ATP6V0A4: variants seen among roughly 807,000 people sequenced by gnomAD.
ATP6V0A4 encodes ATPase H+ transporting V0 subunit a4, also known as V-type proton ATPase 116 kDa subunit a 4.
ATP6V0A4 carries 86 observed loss-of-function variants against 107.3 expected under a neutral mutation model. The ratio of observed to expected loss-of-function variants is 0.80; its 90% CI spans 0.67 to 0.96. The LOEUF is 0.96. ATP6V0A4 is among the 40% of genes least tolerant of loss of function. The pLI, the probability that ATP6V0A4 is intolerant of heterozygous loss-of-function variation, is 0.00. For missense variants in ATP6V0A4, 908 were observed against 1,045.6 expected (o/e 0.87, Z 1.81); for synonymous variants, 353 against 381.4 (o/e 0.93, Z 0.87).
In ATP6V0A4 at chr7:138,709,741, C is replaced by G. The variant is rs1803638558; in HGVS notation, c.2312G>C (p.Gly771Ala). ...MVMNSGLQTRGWGGIVGVFII... is the reference protein window; with the variant it reads ...MVMNSGLQTRAWGGIVGVFII... ...AAAAACCCCGACGATTCCTCCCCAG[C>G]CTCGCGTCTGAAGGCCGCTGTTCAT... Residue 771 changes from glycine to alanine, a missense_variant, in exon 21 of 22, where the codon GGC (glycine) becomes GCC (alanine). Coordinates refer to ENST00000310018, the MANE Select transcript of ATP6V0A4 (RefSeq NM_020632.3). 15 of 1,614,098 alleles carry G rather than the reference C, an allele frequency of 9.3e-6. No individual in the cohort carries two copies. The highest frequency in any genetic ancestry group is 1.3e-5 in the African/African-American group (1 of 75,032).
intron 18 of ATP6V0A4, among the ~76,000 whole-genome samples, chr7:138,725,054 T>C (rs940405347): frequency 6.6e-6 from 1 of 152,184 alleles, no homozygotes; most frequent in African/African-American, 2.4e-5. Flanking sequence ...GAGGATCACT[T>C]GATCTCAGGA....
At chr7:138,740,431 T>C (rs1294882910) in intron 14 of ATP6V0A4, among the ~76,000 whole-genome samples, 1 of 151,162 alleles carries the variant, frequency 6.6e-6, no homozygotes, top group Non-Finnish European at 1.5e-5. Flanking sequence ...TTTCTTTTTT[T>C]TTTTTTTTTT....
chr7:138,728,859 C>T lies in ATP6V0A4; in HGVS notation c.1912G>A (p.Glu638Lys). ...SNAPLYKHQQ[E>K]VQSFFVVMAL... is the part of the protein sequence containing the mutation. ...ATAACCACAAAGAAACTTTGGACTT[C>T]TTGCTGCAAGACCAAAATGGCGAGA... The change falls in exon 18 of 22, where the codon GAA becomes AAA. Residue 638 changes from glutamate to lysine, a missense_variant. By Grantham distance (56) the Glu-to-Lys change is moderately conservative. Transcript: ENST00000310018. 1 of 1,614,132 alleles carries T rather than the reference C, an allele frequency of 6.2e-7. No homozygotes were observed. The highest frequency in any genetic ancestry group is 8.5e-7 in the Non-Finnish European group (1 of 1,180,028).
intron 9 of ATP6V0A4, chr7:138,756,100 T>C (rs1444131773): frequency 9.6e-6 from 5 of 518,360 alleles, no homozygotes; most frequent in East Asian, 3.8e-5. Context: ...TAATATCCTC[T>C]GCACTGAGTC....
intron 2 of ATP6V0A4, among the ~76,000 whole-genome samples, chr7:138,777,633 TACACAC>T (rs1176566807): frequency 1.5e-4 from 16 of 106,374 alleles, no homozygotes; most frequent in African/African-American, 4.5e-4. Flanking sequence ...AAAAAAAAAA[TACACAC>T]ACACACACAC....
At chr7:138,740,424 CTTT>C (rs1288644564) in intron 14 of ATP6V0A4, among the ~76,000 whole-genome samples, 5 of 128,962 alleles carry the variant, frequency 3.9e-5, no homozygotes, top group Non-Finnish European at 1.7e-5. Context: ...GAAGAAATTT[CTTT>C]TTTTTTTTTT....
chr7:138,706,661 G>A lies in ATP6V0A4; in HGVS notation c.2486C>T (p.Ser829Phe). The change falls in exon 22 of 22, where the codon TCC (serine) becomes TTC (phenylalanine). Residue 829 changes from serine to phenylalanine, a missense_variant. By Grantham distance (155) the Ser-to-Phe change is radical. Transcript: ENST00000310018. ...VGDGYKFSPFSFKHILDGTAE... is the reference protein window; with the variant it reads ...VGDGYKFSPFFFKHILDGTAE... Reference sequence around the variant, plus strand: ...TGTGCCATCCAGGATGTGTTTAAAGGAGAATGGAGAAAACTTGTAACCATC... The same window carrying A: ...TGTGCCATCCAGGATGTGTTTAAAGAAGAATGGAGAAAACTTGTAACCATC... 6.2e-7 allele frequency: 1 copy of A among 1,613,952 alleles called. No homozygotes were observed. The highest frequency in any genetic ancestry group is 8.5e-7 in the Non-Finnish European group (1 of 1,179,974).
In ATP6V0A4 at chr7:138,765,611, C is replaced by A. The variant is rs1212507389; in HGVS notation, c.292-2586G>T. On this transcript the variant is annotated intron_variant, in intron 5 of 21. Coordinates refer to ENST00000310018, the MANE Select transcript of ATP6V0A4 (RefSeq NM_020632.3). ...ATTGGTGTACTCTTGCCAAAGGATT[C>A]AACTCTCTAGCAATGTTGGGGGAAC... Among the ~76,000 whole-genome samples, 4 of 152,116 alleles carry A rather than the reference C, an allele frequency of 2.6e-5. No homozygotes were observed. In the East Asian group the frequency reaches 5.8e-4, roughly 22 times the overall value.
intron 10 of ATP6V0A4, among the ~76,000 whole-genome samples, chr7:138,753,216 C>A (rs150025206): frequency 2.6e-5 from 4 of 152,174 alleles, no homozygotes; most frequent in African/African-American, 9.6e-5. Flanking sequence ...TCCCATATGA[C>A]CACTGTCCTG....
intron 15 of ATP6V0A4, among the ~76,000 whole-genome samples, chr7:138,735,737 G>A (rs1805282685): frequency 1.3e-5 from 2 of 152,166 alleles, no homozygotes; most frequent in African/African-American, 4.8e-5. Flanking sequence ...TGTTTGGACA[G>A]TTCCCACAGG....
chr7:138,759,003 G>A (rs554453679), intron 8 of ATP6V0A4, among the ~76,000 whole-genome samples: 4 of 149,078 alleles, frequency 2.7e-5, no homozygotes, highest in Non-Finnish European at 4.4e-5. Flanking sequence ...CGCCCACCTC[G>A]GCCTCCCAAA....
intron 2 of ATP6V0A4, among the ~76,000 whole-genome samples, chr7:138,776,549 G>A (rs79874048): frequency 0.028 from 4,268 of 152,270 alleles, 92 homozygotes; most frequent in Non-Finnish European, 0.041. Flanking sequence ...CTCAATTCGT[G>A]CCTCCCTCCA....
At chr7:138,762,142 C>T (rs1188281405) in intron 7 of ATP6V0A4, among the ~76,000 whole-genome samples, 198 bp downstream of exon 7, 4 of 152,130 alleles carry the variant, frequency 2.6e-5, no homozygotes, top group African/African-American at 7.2e-5. Flanking sequence ...AGGTCAGCAT[C>T]GCCACTAACA....
rs181177879 is a variant in ATP6V0A4, at chr7:138,776,041, G to C, written c.-17-4777C>G. Among the ~76,000 whole-genome samples, 6 of 152,180 alleles carry C rather than the reference G, an allele frequency of 3.9e-5. No homozygotes were observed. The East Asian group carries it at 1.2e-3, about 29-fold the overall frequency. ...TGCCCAGGCTGGCCTCCAACTCCTA[G>C]CCTACAAGTAATCCTCCCACCTCTG... On this transcript the variant is annotated intron_variant, in intron 2 of 21. Transcript: ENST00000310018.
intron 2 of ATP6V0A4, among the ~76,000 whole-genome samples, chr7:138,776,884 C>T (rs1401313143): frequency 2.3e-4 from 35 of 152,252 alleles, no homozygotes; most frequent in Admixed American, 1.6e-3. Flanking sequence ...CGGTGGCTCA[C>T]GCCTGTAATC....
chr7:138,736,587 T>G (rs770910960), intron 15 of ATP6V0A4, among the ~76,000 whole-genome samples: 1 of 152,148 alleles, frequency 6.6e-6, no homozygotes, highest in Non-Finnish European at 1.5e-5. Flanking sequence ...TTTTTATTTT[T>G]TTGAGACAGA....
chr7:138,760,215 G>T (rs1175975078), intron 7 of ATP6V0A4, among the ~76,000 whole-genome samples: 1 of 151,968 alleles, frequency 6.6e-6, no homozygotes, highest in Non-Finnish European at 1.5e-5. Context: ...AGGCTGAGGC[G>T]GGCGGATCAC....
At chr7:138,709,877 A>AAT (rs1370126470) in intron 20 of ATP6V0A4, 82 bp from the exon 21 acceptor site, 46 of 1,412,420 alleles carry the variant, frequency 3.3e-5, no homozygotes, top group South Asian at 2.0e-4. Flanking sequence ...TTTAATTAAA[A>AAT]ATATATATAT....
chr7:138,721,806 C>A, intron 19 of ATP6V0A4, 91 bp downstream of exon 19: 2 of 1,472,260 alleles, frequency 1.4e-6, no homozygotes, highest in African/African-American at 1.4e-5. Context: ...CCCCGTGGGG[C>A]CCTCCAGACC....
Sources: gnomAD v4.1 joint callset for allele counts (sites outside exome capture counted in the v4.1 genomes callset) on GRCh38, gnomAD v4.1.1 for gene constraint, MANE v1.5 for transcripts, NCBI Gene and HGNC (gene_info 2026-07-23, HGNC 2026-07-21) for gene names.